The following PCDHGA9 variants were observed in gnomAD, a reference collection of about 807,000 sequenced individuals.
PCDHGA9 encodes the protein protocadherin gamma-A9.
PCDHGA9 carries 37 observed loss-of-function variants against 62.5 expected under a neutral mutation model. The ratio of observed to expected loss-of-function variants is 0.59; its 90% CI spans 0.46 to 0.78. The LOEUF is 0.78. PCDHGA9 is among the 30% of genes least tolerant of loss of function. The probability of loss-of-function intolerance (pLI) is 0.00; values close to 1 mark genes in which losing one functional copy is unlikely to be tolerated. For missense variants in PCDHGA9, 1,138 were observed against 1,166.2 expected (o/e 0.98, Z 0.35); for synonymous variants, 459 against 484.6 (o/e 0.95, Z 0.69).
intron 1 of PCDHGA9, chr5:141,410,277 T>A (rs1461250700): frequency 1.9e-6 from 3 of 1,613,896 alleles, no homozygotes; most frequent in Non-Finnish European, 2.5e-6. Context: ...CAGTTTTACC[T>A]GGTGGTGGCC....
chr5:141,415,123 G>A (rs1349224471), intron 1 of PCDHGA9: 3 of 1,613,540 alleles, frequency 1.9e-6, no homozygotes, highest in African/African-American at 1.3e-5. Context: ...CGTAGTGGCC[G>A]TCCAGGACCA....
intron 1 of PCDHGA9, among the ~76,000 whole-genome samples, chr5:141,437,064 G>T (rs1380953110): frequency 6.6e-6 from 1 of 152,170 alleles, no homozygotes; most frequent in Non-Finnish European, 1.5e-5. Flanking sequence ...ATCATTATTT[G>T]GTTTGGGCCA....
At chr5:141,409,067 A>G (rs2095219315) in intron 1 of PCDHGA9, 2 of 1,614,034 alleles carry the variant, frequency 1.2e-6, no homozygotes, top group South Asian at 2.2e-5. Context: ...CCAGAGCACA[A>G]AACATATGTT....
At chr5:141,407,943 T>C (rs575027782) in intron 1 of PCDHGA9, 7 of 537,790 alleles carry the variant, frequency 1.3e-5, no homozygotes, top group African/African-American at 7.6e-5. Flanking sequence ...TGGGCGCCGC[T>C]GTCGGCCAGT....
Position 141,485,943 on chromosome 5 carries a change from C to T in PCDHGA9, c.2425-8864C>T, listed in dbSNP as rs750871245. On this transcript the variant is annotated intron_variant, in intron 1 of 3. Transcript: ENST00000573521. This position sits in a 1 kb window ranked among gnomAD's most constrained non-coding sequence, Gnocchi z 5.7. Reference sequence around the variant, plus strand: ...ATTAGTGTGTTGGAGAGCGCACCAGCGGGCATGGTGCTCATCCAGCTCAAT... The same window carrying T: ...ATTAGTGTGTTGGAGAGCGCACCAGTGGGCATGGTGCTCATCCAGCTCAAT... The T allele has an allele frequency of 1.9e-6, 3 of 1,614,126 alleles. No homozygotes were observed. In the South Asian group the frequency reaches 3.3e-5, roughly 18 times the overall value.
intron 1 of PCDHGA9, among the ~76,000 whole-genome samples, chr5:141,447,123 T>TTTTG (rs1327676720): frequency 6.6e-6 from 1 of 152,160 alleles, no homozygotes; most frequent in Admixed American, 6.6e-5. Context: ...CCATGGATTT[T>TTTTG]TTTGTTTGTT....
intron 1 of PCDHGA9, chr5:141,441,104 T>C (rs1158565054): frequency 6.6e-6 from 1 of 152,204 alleles, no homozygotes; most frequent in Non-Finnish European, 1.5e-5. Flanking sequence ...GAGGGACTCA[T>C]TGTCCAGTGT....
rs1330659052 is a variant in PCDHGA9, at chr5:141,490,012, G to T, written c.2425-4795G>T. On this transcript the variant is annotated intron_variant, in intron 1 of 3. Transcript: ENST00000573521. The surrounding 1 kb of genome is among the most constrained non-coding windows in gnomAD (Gnocchi z 5.4). ...GGGAATCCCAGAGAATGCACCCATT[G>T]GTACTCTGCTGCTCCGCCTCAATGC... The T allele has an allele frequency of 1.2e-6, 2 of 1,614,232 alleles. No homozygotes were observed. Among genetic ancestry groups the T allele is most frequent in the East Asian group, 4.5e-5 (2 of 44,888 alleles).
At chr5:141,503,230 G>A (rs911238781) in intron 2 of PCDHGA9, among the ~76,000 whole-genome samples, 1 of 152,006 alleles carries the variant, frequency 6.6e-6, no homozygotes, top group African/African-American at 2.4e-5. Context: ...CCGTAAAGAT[G>A]GACAGTTTCT....
intron 1 of PCDHGA9, among the ~76,000 whole-genome samples, chr5:141,450,829 A>AT (rs373424450): frequency 7.2e-4 from 97 of 135,128 alleles, no homozygotes; most frequent in East Asian, 1.8e-3. Flanking sequence ...TATTATTATT[A>AT]TTTTTTTTTT....
At chr5:141,495,175 C>T (rs1337353259) in intron 2 of PCDHGA9, among the ~76,000 whole-genome samples, 1 of 152,182 alleles carries the variant, frequency 6.6e-6, no homozygotes, top group Admixed American at 6.5e-5. Context: ...TGGGTGAAAG[C>T]GAGGCTTTCT....
chr5:141,444,184 T>TG, intron 1 of PCDHGA9, among the ~76,000 whole-genome samples: 1 of 138,886 alleles, frequency 7.2e-6, no homozygotes, highest in South Asian at 2.4e-4. Flanking sequence ...TTTTTTTTTT[T>TG]TTTTGAGATG....
In PCDHGA9 at chr5:141,403,585, C is replaced by A; in HGVS notation, c.633C>A (p.Val211=). ...AGGAGGCAACTGCCCACCACCTGGT[C>A]CTCACGGCCTCGGATGGCGGCGAGC... ...DREEATAHHL[V]LTASDGGEPR... Residue 211 remains valine, a synonymous_variant, in exon 1 of 4, where the codon GTC becomes GTA. Coordinates refer to ENST00000573521, the MANE Select transcript of PCDHGA9 (RefSeq NM_018921.3). 1 of 1,613,894 alleles carries A rather than the reference C, an allele frequency of 6.2e-7. No homozygotes were observed. Among genetic ancestry groups the A allele is most frequent in the South Asian group, 1.1e-5 (1 of 91,092 alleles).
chr5:141,482,736 C>T (rs897817817), intron 1 of PCDHGA9, among the ~76,000 whole-genome samples: 6 of 152,056 alleles, frequency 3.9e-5, no homozygotes, highest in African/African-American at 1.2e-4. Context: ...GCAAGAAATT[C>T]CATGCAGAGG....
intron 1 of PCDHGA9, chr5:141,415,056 G>A (rs1367441891): frequency 1.2e-6 from 2 of 1,613,416 alleles, no homozygotes; most frequent in East Asian, 2.2e-5. Context: ...GGGAGCACAC[G>A]GGCGAGGTGC....
At chr5:141,433,150 G>C (rs1466566074) in intron 1 of PCDHGA9, 5 of 1,613,936 alleles carry the variant, frequency 3.1e-6, no homozygotes, top group Middle Eastern at 1.6e-4. Flanking sequence ...CAGGTGATTC[G>C]GTATTTTCTA....
intron 1 of PCDHGA9, chr5:141,419,537 C>G (rs368875631): frequency 1.2e-6 from 2 of 1,612,040 alleles, no homozygotes; most frequent in Non-Finnish European, 1.7e-6. Flanking sequence ...CGACAACGCA[C>G]CGCGGGTGCT....
chr5:141,510,995 G>T lies in PCDHGA9; in HGVS notation c.2621G>T (p.Gly874Val). ...STLGGGAGTM[G>V]LSARYGPQFT... is the part of the protein sequence containing the mutation. ...CTGGGAGGGGGTGCCGGCACCATGG[G>T]ATTGAGCGCCCGCTACGGACCCCAG... is the stretch of plus-strand genomic sequence containing the variant. Residue 874 changes from glycine to valine, a missense_variant, in exon 4 of 4, where the codon GGA becomes GTA. Physicochemically the swap from Gly to Val is moderately radical, Grantham distance 109. Coordinates refer to ENST00000573521, the MANE Select transcript of PCDHGA9 (RefSeq NM_018921.3). The T allele has an allele frequency of 6.2e-7, 1 of 1,614,172 alleles. No individual in the cohort carries two copies. Among genetic ancestry groups the T allele is most frequent in the Non-Finnish European group, 8.5e-7 (1 of 1,180,018 alleles).
rs765454115 is a variant in PCDHGA9, at chr5:141,410,470, T to C, written c.2424+5094T>C. On this transcript the variant is annotated intron_variant, in intron 1 of 3. Coordinates refer to ENST00000573521, the MANE Select transcript of PCDHGA9 (RefSeq NM_018921.3). Reference sequence around the variant, plus strand: ...TGCCTTATTCTTATAATCTGTGCATTGCACATACGGGTACAAAAGAGTTTA... The same window carrying C: ...TGCCTTATTCTTATAATCTGTGCATCGCACATACGGGTACAAAAGAGTTTA... 1.9e-6 allele frequency: 3 copies of C among 1,613,922 alleles called. No individual in the cohort carries two copies. The African/African-American group carries it at 4.0e-5, about 22-fold the overall frequency.
Sources: gnomAD v4.1 joint callset for allele counts (sites outside exome capture counted in the v4.1 genomes callset) on GRCh38, gnomAD v4.1.1 for gene constraint, Gnocchi (gnomAD v3.1) non-coding constraint, MANE v1.5 for transcripts, NCBI Gene and HGNC (gene_info 2026-07-23, HGNC 2026-07-21) for gene names.